The following STT3B variants were observed in gnomAD, a reference collection of about 807,000 sequenced individuals.
STT3B encodes the protein STT3 oligosaccharyltransferase complex catalytic subunit B.
STT3B carries 29 observed loss-of-function variants against 96.8 expected under a neutral mutation model. That is an observed-to-expected ratio of 0.30 (90% CI 0.22 to 0.41). STT3B has a LOEUF of 0.41. Among genes scored for constraint, STT3B ranks in the 10% least tolerant of loss-of-function variants. STT3B has a pLI of 1.00. For missense variants in STT3B, 640 were observed against 1,022.3 expected (o/e 0.63, Z 5.10); for synonymous variants, 367 against 360.0 (o/e 1.02, Z -0.22).
chr3:31,538,985 G>A (rs556732630), intron 1 of STT3B, among the ~76,000 whole-genome samples: 1 of 152,196 alleles, frequency 6.6e-6, no homozygotes, highest in East Asian at 1.9e-4. Flanking sequence ...GAGGATTAGC[G>A]TTGGGGGAGA....
At chr3:31,601,118 T>C (rs930793340) in intron 5 of STT3B, among the ~76,000 whole-genome samples, 2 of 152,202 alleles carry the variant, frequency 1.3e-5, no homozygotes, top group Admixed American at 1.3e-4. Flanking sequence ...ATTAAATTCA[T>C]TTTCAAAAGC....
At chr3:31,631,701 C>G (rs1397943932) in intron 14 of STT3B, among the ~76,000 whole-genome samples, 1 of 151,794 alleles carries the variant, frequency 6.6e-6, no homozygotes, top group Non-Finnish European at 1.5e-5. Context: ...AATCCCAGAA[C>G]TTTGGGAGGT....
chr3:31,572,208 A>G (rs867514518), intron 1 of STT3B, among the ~76,000 whole-genome samples: 177 of 144,774 alleles, frequency 1.2e-3, no homozygotes, highest in Middle Eastern at 7.2e-3. Context: ...TTAATTATAT[A>G]TATTATATTA....
At chr3:31,544,405 T>C (rs1441521841) in intron 1 of STT3B, among the ~76,000 whole-genome samples, 1 of 152,254 alleles carries the variant, frequency 6.6e-6, no homozygotes, top group African/African-American at 2.4e-5. Flanking sequence ...ATTGTAGATA[T>C]TGTGGGTTAA....
chr3:31,569,994 A>G (rs998497607), intron 1 of STT3B, among the ~76,000 whole-genome samples: 1 of 152,178 alleles, frequency 6.6e-6, no homozygotes, highest in Non-Finnish European at 1.5e-5. Context: ...TTTCAAACAT[A>G]CAGCAAAGTA....
At chr3:31,596,365 A>C (rs956264361) in intron 3 of STT3B, among the ~76,000 whole-genome samples, 2 of 152,066 alleles carry the variant, frequency 1.3e-5, no homozygotes, top group Non-Finnish European at 2.9e-5. Flanking sequence ...TTCACACCTC[A>C]TTGCGTAGGG....
At chr3:31,566,976 A>G (rs1307094900) in intron 1 of STT3B, among the ~76,000 whole-genome samples, 1 of 152,224 alleles carries the variant, frequency 6.6e-6, no homozygotes, top group Non-Finnish European at 1.5e-5. Flanking sequence ...TGTCAGATAT[A>G]GAATAACCAC....
chr3:31,558,422 CA>C (rs1447448630), intron 1 of STT3B, among the ~76,000 whole-genome samples: 2 of 152,058 alleles, frequency 1.3e-5, no homozygotes, highest in Non-Finnish European at 2.9e-5. Flanking sequence ...ATTAAAAAAT[CA>C]AATGTTTTCT....
intron 4 of STT3B, among the ~76,000 whole-genome samples, chr3:31,598,361 A>G (rs530663743): frequency 6.6e-6 from 1 of 152,336 alleles, no homozygotes; most frequent in South Asian, 2.1e-4. Flanking sequence ...GAGTTTTTAA[A>G]CAGTCATTAT....
intron 1 of STT3B, among the ~76,000 whole-genome samples, chr3:31,535,206 A>G (rs1369737098): frequency 6.6e-6 from 1 of 152,120 alleles, no homozygotes; most frequent in East Asian, 1.9e-4. Context: ...GATTTTGGTC[A>G]TTTTTCCTTA....
In STT3B at chr3:31,596,863, G is replaced by C; in HGVS notation, c.777G>C (p.Met259Ile). Reference sequence around the variant, plus strand: ...GCTGCTGCTTATCCTATTTCTATATGGTAAGATTTCATATTTGAGACTACA... The same window carrying C: ...GCTGCTGCTTATCCTATTTCTATATCGTAAGATTTCATATTTGAGACTACA... ...TMCCCLSYFYMVSAWGGYVFI... is the reference protein window; with the variant it reads ...TMCCCLSYFYIVSAWGGYVFI... The change falls in exon 4 of 16, where the codon ATG (methionine) becomes ATC (isoleucine). Residue 259 changes from methionine to isoleucine, a missense_variant and splice_region_variant. This residue lies in a region of STT3B where 267 missense variants were observed against 388.3 expected (regional missense o/e 0.69). Transcript: ENST00000295770. 1 of 1,609,322 alleles carries C rather than the reference G, an allele frequency of 6.2e-7. No homozygotes were observed. Among genetic ancestry groups the C allele is most frequent in the South Asian group, 1.1e-5 (1 of 90,702 alleles).
chr3:31,621,989 G>C (rs929460891), intron 9 of STT3B, 108 bp from the exon 10 acceptor site: 4 of 741,524 alleles, frequency 5.4e-6, no homozygotes, highest in Admixed American at 4.2e-5. Flanking sequence ...TAGATCGTTT[G>C]TGAGACATTT....
intron 10 of STT3B, among the ~76,000 whole-genome samples, chr3:31,623,219 C>T (rs559103797): frequency 2.0e-5 from 3 of 151,998 alleles, no homozygotes; most frequent in Non-Finnish European, 4.4e-5. Flanking sequence ...TTTAGGGTTT[C>T]GAAATCGGAA....
intron 2 of STT3B, among the ~76,000 whole-genome samples, chr3:31,578,301 C>T (rs1026328917): frequency 6.6e-6 from 1 of 152,114 alleles, no homozygotes; most frequent in Non-Finnish European, 1.5e-5. Context: ...TTATGTTTGG[C>T]TTTTTTCTTC....
At position 31,625,954 on chromosome 3, in the gene STT3B, G is replaced by T; in HGVS notation, c.1900G>T (p.Val634Leu). 2 of 1,579,552 alleles carry T rather than the reference G, an allele frequency of 1.3e-6. No individual in the cohort carries two copies. The highest frequency in any genetic ancestry group is 1.7e-6 in the Non-Finnish European group (2 of 1,166,662). ...TCTCATTTTTTTTTAAATTCTGCAG[G>T]TGGGAAAAGCTATGTCTTCTAATGA... is the stretch of plus-strand genomic sequence containing the variant. The part of the protein sequence containing the change: ...NTWNNSHIAL[V>L]GKAMSSNETA... Residue 634 changes from valine (V) to leucine (L), a missense_variant and splice_region_variant, in exon 13 of 16, where the codon GTG becomes TTG. Around this residue, in one of 8 missense-constraint regions of STT3B, gnomAD observed 149 missense variants for 250.2 expected, o/e 0.60. Transcript: ENST00000295770.
chr3:31,622,405 G>A, intron 10 of STT3B, 97 bp downstream of exon 10: 2 of 1,068,006 alleles, frequency 1.9e-6, no homozygotes, highest in Non-Finnish European at 2.7e-6. Context: ...GTTATTAAAT[G>A]ATGATTTGGA....
At chr3:31,558,924 T>G (rs1187657247) in intron 1 of STT3B, among the ~76,000 whole-genome samples, 1 of 151,836 alleles carries the variant, frequency 6.6e-6, no homozygotes, top group Non-Finnish European at 1.5e-5. Context: ...ATCCAGAAAT[T>G]TATCAGTTTC....
intron 1 of STT3B, among the ~76,000 whole-genome samples, chr3:31,574,320 T>A (rs1409539633): frequency 6.6e-6 from 1 of 152,100 alleles, no homozygotes; most frequent in South Asian, 2.1e-4. Context: ...AATCCAGGTG[T>A]TTGGATCTTG....
chr3:31,553,417 G>A (rs973283592), intron 1 of STT3B, among the ~76,000 whole-genome samples: 4 of 152,216 alleles, frequency 2.6e-5, no homozygotes, highest in African/African-American at 9.6e-5. Flanking sequence ...TGCATTAAAT[G>A]GAATACTACT....
Sources: gnomAD v4.1 joint callset for allele counts (sites outside exome capture counted in the v4.1 genomes callset) on GRCh38, gnomAD v4.1.1 for gene constraint, gnomAD v4.1.1 regional missense constraint, MANE v1.5 for transcripts, NCBI Gene and HGNC (gene_info 2026-07-23, HGNC 2026-07-21) for gene names.